The following REX1BD variants were observed in gnomAD, a reference collection of about 807,000 sequenced individuals.
REX1BD encodes the protein required for excision 1-B domain-containing protein.
A neutral mutation model predicts 24.4 loss-of-function variants in REX1BD; 22 were observed. The ratio of observed to expected loss-of-function variants is 0.90; its 90% CI spans 0.64 to 1.29. REX1BD has a LOEUF of 1.29. Among genes scored for constraint, REX1BD ranks in the 50% most tolerant of loss-of-function variants. REX1BD has a pLI of 0.00. For missense variants in REX1BD, 293 were observed against 285.3 expected, an observed-to-expected ratio of 1.03 and a Z score of -0.19; for synonymous variants, 146 against 125.9, an observed-to-expected ratio of 1.16 and a Z score of -1.07.
In REX1BD at chr19:18,590,949, C is replaced by T; in HGVS notation, c.533+16C>T. ...TGAAAATGAAGTGAGCGCTGCTGCC[C>T]AAGCCGCCTGGCTATGCTCGATTTG... On this transcript the variant is annotated intron_variant, in intron 4 of 4. Transcript: ENST00000358607. 6.5e-7 allele frequency: 1 copy of T among 1,531,042 alleles called. No individual in the cohort carries two copies. The highest frequency in any genetic ancestry group is 8.8e-7 in the Non-Finnish European group (1 of 1,137,782). The allele number at this position is 1,531,042 out of a possible 1,614,324, so 94.8% of individuals were successfully genotyped here.
intron 3 of REX1BD, 188 bp downstream of exon 3, chr19:18,589,871 A>C: frequency 3.5e-6 from 3 of 855,694 alleles, no homozygotes; most frequent in South Asian, 5.2e-5. Flanking sequence ...TTCATCCCCA[A>C]TTTTTTTCCC....
Position 18,588,852 on chromosome 19 carries a change from TGAGGAGGCCACCGAAGCTCGGGGACGC to T in REX1BD, c.58_84del (p.Ala20_Glu28del). On this transcript the variant is annotated inframe_deletion, in exon 1 of 5. Transcript: ENST00000358607. ...CTACGGTCCCTGCAGTGCCTGCTGC[TGAGGAGGCCACCGAAGCTCGGGGACGC>T]GAGGAGCCGGCGTGGCCCTGGGTGA... 1 of 1,533,046 alleles carries T rather than the reference TGAGGAGGCCACCGAAGCTCGGGGACGC, an allele frequency of 6.5e-7. No individual in the cohort carries two copies. The highest frequency in any genetic ancestry group is 8.7e-7 in the Non-Finnish European group (1 of 1,145,926). 95.0% of individuals were successfully genotyped at this position (1,533,046 alleles called of 1,614,324 possible). A position where few individuals can be genotyped will look rare whatever the true frequency, so the allele number is the denominator to read the frequency against.
intron 4 of REX1BD, chr19:18,591,859 T>G (rs928072520): frequency 2.7e-5 from 14 of 513,296 alleles, no homozygotes; most frequent in African/African-American, 2.5e-4. Flanking sequence ...CTTCCCAAAG[T>G]GCTGGATTAC....
In REX1BD at chr19:18,592,219, C is replaced by T. The variant is rs201436240; in HGVS notation, c.*39C>T. ...GGGATGCGCCGAGGGAGATGGGAAA[C>T]GGGGCGGATGGCGCCCAGCCCAGCC... On this transcript the variant is annotated 3_prime_UTR_variant, in exon 5 of 5. Transcript: ENST00000358607. 6.8e-5 allele frequency: 110 copies of T among 1,612,448 alleles called. 1 individual carries two copies. The highest frequency in any genetic ancestry group is 3.1e-4 in the East Asian group (14 of 44,880).
In REX1BD at chr19:18,592,313, C is replaced by T. The variant is rs879246048; in HGVS notation, c.*133C>T. On this transcript the variant is annotated 3_prime_UTR_variant, in exon 5 of 5. Coordinates refer to ENST00000358607, the MANE Select transcript of REX1BD (RefSeq NM_001100418.2). ...CCTTCCTGCAGTTCCAGACACCTCC[C>T]ACAATAAAGAGCTCCTCCTCTGTAG... 2.2e-6 allele frequency: 2 copies of T among 913,842 alleles called. No homozygotes were observed. Among genetic ancestry groups the T allele is most frequent in the African/African-American group, 1.6e-5 (1 of 60,920 alleles). 56.6% of individuals were successfully genotyped at this position (913,842 alleles called of 1,614,324 possible). A position where few individuals can be genotyped will look rare whatever the true frequency, so the allele number is the denominator to read the frequency against.
chr19:18,590,743 AC>A, intron 3 of REX1BD, 110 bp from the exon 4 acceptor site: 2 of 1,006,422 alleles, frequency 2.0e-6, no homozygotes, highest in Non-Finnish European at 2.9e-6. Context: ...TCGTGGTTCT[AC>A]CCGGGCACTG....
In REX1BD at chr19:18,590,950, A is replaced by AAGCC. The variant is rs774287594; in HGVS notation, c.533+18_533+21dup. The AAGCC allele has an allele frequency of 1.3e-5, 20 of 1,529,402 alleles. No individual in the cohort carries two copies. Among genetic ancestry groups the AAGCC allele is most frequent in the Middle Eastern group, 3.5e-4 (2 of 5,776 alleles). The allele number at this position is 1,529,402 out of a possible 1,614,324, so 94.7% of individuals were successfully genotyped here. ...GAAAATGAAGTGAGCGCTGCTGCCC[A>AAGCC]AGCCGCCTGGCTATGCTCGATTTGC... On this transcript the variant is annotated intron_variant, in intron 4 of 4. Transcript: ENST00000358607.
chr19:18,591,033 T>C (rs1600644935), intron 4 of REX1BD, 100 bp downstream of exon 4: 2 of 1,128,586 alleles, frequency 1.8e-6, no homozygotes, highest in Non-Finnish European at 2.4e-6. Flanking sequence ...CAGTGCACAA[T>C]GGTGTTCTCA....
rs764100544 is a variant in REX1BD, at chr19:18,592,202, C to T, written c.*22C>T. On this transcript the variant is annotated 3_prime_UTR_variant, in exon 5 of 5. Transcript: ENST00000358607. ...GTGATGGCGGCTCCCCAGGGATGCG[C>T]CGAGGGAGATGGGAAACGGGGCGGA... 1.7e-5 allele frequency: 28 copies of T among 1,613,860 alleles called. No homozygotes were observed. The highest frequency in any genetic ancestry group is 1.7e-4 in the Middle Eastern group (1 of 6,028).
intron 4 of REX1BD, 22 bp downstream of exon 4, chr19:18,590,955 G>A (rs778726878): frequency 2.0e-6 from 3 of 1,512,844 alleles, no homozygotes; most frequent in South Asian, 1.3e-5. Context: ...TGCCCAAGCC[G>A]CCTGGCTATG....
At chr19:18,589,170 G>T in intron 2 of REX1BD, 93 bp downstream of exon 2, 2 of 1,478,604 alleles carry the variant, frequency 1.4e-6, no homozygotes, top group Non-Finnish European at 1.8e-6. Flanking sequence ...GGAGGAGCTG[G>T]GTCCTTGTGT....
intron 3 of REX1BD, chr19:18,590,549 C>A (rs1054011244): frequency 7.9e-5 from 24 of 303,172 alleles, no homozygotes; most frequent in Admixed American, 1.5e-4. Context: ...CCTGGGTCCC[C>A]GTCCCTGGGA....
Position 18,592,238 on chromosome 19 carries a change from C to T in REX1BD, c.*58C>T, listed in dbSNP as rs1353331028. The stretch of plus-strand genomic sequence containing the variant: ...GGGAAACGGGGCGGATGGCGCCCAG[C>T]CCAGCCCTAACTGCCAGCTGGCTGG... On this transcript the variant is annotated 3_prime_UTR_variant, in exon 5 of 5. Coordinates refer to ENST00000358607, the MANE Select transcript of REX1BD (RefSeq NM_001100418.2). 19 of 1,595,932 alleles carry T rather than the reference C, an allele frequency of 1.2e-5. No individual in the cohort carries two copies. The East Asian group carries it at 1.3e-4, about 11-fold the overall frequency.
chr19:18,590,290 G>T (rs1285508015), intron 3 of REX1BD: 2 of 147,844 alleles, frequency 1.4e-5, no homozygotes, highest in Non-Finnish European at 2.9e-5. Context: ...GTGCAATGGC[G>T]CGATCTCGGC....
At chr19:18,591,892 C>T in intron 4 of REX1BD, 1 of 586,872 alleles carries the variant, frequency 1.7e-6, no homozygotes, top group Non-Finnish European at 3.0e-6. Flanking sequence ...CCATGCCCAG[C>T]CCAGATGGCC....
intron 4 of REX1BD, 33 bp downstream of exon 4, chr19:18,590,966 C>A: frequency 6.7e-7 from 1 of 1,495,148 alleles, no homozygotes; most frequent in Non-Finnish European, 8.9e-7. Context: ...CCTGGCTATG[C>A]TCGATTTGCA....
At chr19:18,590,569 G>A (rs2145320308) in intron 3 of REX1BD, 3 of 334,710 alleles carry the variant, frequency 9.0e-6, no homozygotes, top group African/African-American at 4.4e-5. Context: ...ACCATGAGGC[G>A]CAACCTAACC....
chr19:18,590,596 G>A (rs1976020458), intron 3 of REX1BD: 1 of 413,676 alleles, frequency 2.4e-6, no homozygotes, highest in African/African-American at 2.1e-5. Context: ...TACGGCCAAT[G>A]CCTGGCTAAG....
intron 3 of REX1BD, chr19:18,590,602 C>G: frequency 2.3e-6 from 1 of 431,290 alleles, no homozygotes; most frequent in Non-Finnish European, 4.2e-6. Context: ...CAATGCCTGG[C>G]TAAGACGTCA....
Sources: gnomAD v4.1 joint callset for allele counts on GRCh38, gnomAD v4.1.1 for gene constraint, MANE v1.5 for transcripts, NCBI Gene and HGNC (gene_info 2026-07-23, HGNC 2026-07-21) for gene names.